TTYH3: variants seen among roughly 807,000 people sequenced by gnomAD.
TTYH3 encodes the protein tweety family member 3.
TTYH3 carries 23 observed loss-of-function variants against 68.2 expected under a neutral mutation model. The ratio of observed to expected loss-of-function variants is 0.34; its 90% confidence interval spans 0.24 to 0.48. The LOEUF is 0.48. Among genes scored for constraint, TTYH3 ranks in the 20% least tolerant of loss-of-function variants. The pLI, the probability that TTYH3 is intolerant of heterozygous loss-of-function variation, is 0.99. For missense variants in TTYH3, 768 were observed against 727.7 expected, an observed-to-expected ratio of 1.06 and a Z score of -0.64; for synonymous variants, 360 against 332.8, an observed-to-expected ratio of 1.08 and a Z score of -0.89.
At chr7:2,641,766 C>T (rs1484570895) in intron 1 of TTYH3, among the ~76,000 whole-genome samples, 6 of 152,364 alleles carry the variant, frequency 3.9e-5, no homozygotes, top group East Asian at 1.9e-4. Context: ...AATCTGGCTT[C>T]GGGAAGTGGG....
At chr7:2,649,447 C>T (rs1786098586) in intron 5 of TTYH3, 120 bp from the exon 6 acceptor site, 1 of 985,012 alleles carries the variant, frequency 1.0e-6, no homozygotes, top group African/African-American at 1.6e-5. Flanking sequence ...GGAAGAGCCC[C>T]AGCCCATGTG....
At chr7:2,640,650 T>TG (rs1294720434) in intron 1 of TTYH3, among the ~76,000 whole-genome samples, 1 of 152,106 alleles carries the variant, frequency 6.6e-6, no homozygotes, top group Non-Finnish European at 1.5e-5. Flanking sequence ...GGCATTGCGT[T>TG]GGGGGGTGCC....
rs936772231 is a variant in TTYH3, at chr7:2,661,476, C to A, written c.1501-192C>A. Among the ~76,000 whole-genome samples the A allele has an allele frequency of 2.0e-5, 3 of 152,150 alleles. No homozygotes were observed. In the South Asian group the frequency reaches 6.2e-4, roughly 31 times the overall value. ...GCCCCTCCCTCAGCCTCAGCCAGAC[C>A]TAGAGCGCAGGGGCCCCCAGCCAGC... On this transcript the variant is annotated intron_variant, in intron 13 of 13. Coordinates refer to ENST00000258796, the MANE Select transcript of TTYH3 (RefSeq NM_025250.3).
chr7:2,640,322 C>T (rs1268413857), intron 1 of TTYH3, among the ~76,000 whole-genome samples: 1 of 152,162 alleles, frequency 6.6e-6, no homozygotes, highest in Admixed American at 6.5e-5. Flanking sequence ...CACAGAGCGG[C>T]GTGTGGGTCC....
At chr7:2,650,559 C>T (rs1318512884) in intron 7 of TTYH3, among the ~76,000 whole-genome samples, 1 of 151,260 alleles carries the variant, frequency 6.6e-6, no homozygotes, top group Non-Finnish European at 1.5e-5. Flanking sequence ...GCCTGGGCAA[C>T]AAGAGTGAAA....
intron 1 of TTYH3, among the ~76,000 whole-genome samples, chr7:2,636,927 G>A (rs1191387174): frequency 5.3e-5 from 8 of 152,138 alleles, no homozygotes; most frequent in African/African-American, 1.9e-4. Flanking sequence ...AGACTCTGGG[G>A]TTCTCAAGCC....
At position 2,647,402 on chromosome 7, in the gene TTYH3, C is replaced by G; in HGVS notation, c.406-16C>G. On this transcript the variant is annotated splice_polypyrimidine_tract_variant and intron_variant, in intron 3 of 13. Coordinates refer to ENST00000258796, the MANE Select transcript of TTYH3 (RefSeq NM_025250.3). ...GCGGGCGCGCTCCCAGCCTCACGCC[C>G]GCGGGTCCGGCGCAGGTGTGGGACA... The G allele has an allele frequency of 1.4e-6, 2 of 1,475,164 alleles. No homozygotes were observed. Among genetic ancestry groups the G allele is most frequent in the Non-Finnish European group, 1.8e-6 (2 of 1,118,202 alleles). The allele number at this position is 1,475,164 out of a possible 1,614,324, so 91.4% of individuals were successfully genotyped here. A position where few individuals can be genotyped will look rare whatever the true frequency, so the allele number is the denominator to read the frequency against.
chr7:2,652,372 G>C, intron 8 of TTYH3, 130 bp downstream of exon 8: 1 of 809,892 alleles, frequency 1.2e-6, no homozygotes, highest in Non-Finnish European at 2.0e-6. Context: ...GAGGGAGCTG[G>C]ACAAAGGCTG....
Position 2,633,722 on chromosome 7 carries a change from C to G in TTYH3, c.123+1444C>G, listed in dbSNP as rs1021873851. The stretch of plus-strand genomic sequence containing the variant: ...TGCTTCACTTTGGAAAGTTCTCTGC[C>G]CTGAGGGTTTGGCCCATTTGTCAGT... On this transcript the variant is annotated intron_variant, in intron 1 of 13. Transcript: ENST00000258796. Among the ~76,000 whole-genome samples the G allele has an allele frequency of 7.9e-5, 12 of 152,340 alleles. 1 individual carries two copies. The highest frequency in any genetic ancestry group is 3.3e-4 in the Admixed American group (5 of 15,306).
At chr7:2,651,975 C>T (rs576878783) in intron 7 of TTYH3, among the ~76,000 whole-genome samples, 6 of 152,288 alleles carry the variant, frequency 3.9e-5, no homozygotes, top group East Asian at 3.9e-4. Flanking sequence ...CACCGGCACA[C>T]GTGCACACGA....
In TTYH3 at chr7:2,649,988, G is replaced by C. The variant is rs1222126713; in HGVS notation, c.871G>C (p.Asp291His). The C allele has an allele frequency of 6.2e-7, 1 of 1,613,974 alleles. No homozygotes were observed. Among genetic ancestry groups the C allele is most frequent in the Non-Finnish European group, 8.5e-7 (1 of 1,179,930 alleles). ...MVEEYSVLSGDILQYYLACSP... is the reference protein window; with the variant it reads ...MVEEYSVLSGHILQYYLACSP... ...GGAGGAGTACTCGGTGCTGAGTGGG[G>C]GTGAGTCTGTGTCCACGGCCGTGTC... Residue 291 changes from aspartate (D) to histidine (H), a missense_variant and splice_region_variant, in exon 7 of 14, where the codon GAC becomes CAC. Physicochemically the swap from Asp to His is moderately conservative, Grantham distance 81. Coordinates refer to ENST00000258796, the MANE Select transcript of TTYH3 (RefSeq NM_025250.3).
At chr7:2,637,264 C>T (rs890110484) in intron 1 of TTYH3, among the ~76,000 whole-genome samples, 1 of 152,166 alleles carries the variant, frequency 6.6e-6, no homozygotes, top group Non-Finnish European at 1.5e-5. Flanking sequence ...TGACCCCCGG[C>T]CGGGGGCTCT....
chr7:2,660,818 G>C (rs1441617532), intron 13 of TTYH3, among the ~76,000 whole-genome samples: 1 of 152,142 alleles, frequency 6.6e-6, no homozygotes, highest in Non-Finnish European at 1.5e-5. Context: ...CCTCACTGCC[G>C]CCGGCCCCTG....
At chr7:2,633,774 C>T (rs1785586986) in intron 1 of TTYH3, among the ~76,000 whole-genome samples, 1 of 152,208 alleles carries the variant, frequency 6.6e-6, no homozygotes, top group Non-Finnish European at 1.5e-5. Context: ...AGCCCTGGGG[C>T]GTGGGGGGCG....
chr7:2,648,344 C>T (rs1166934137), intron 5 of TTYH3: 5 of 372,336 alleles, frequency 1.3e-5, no homozygotes, highest in African/African-American at 2.1e-5. Flanking sequence ...CCCAGGTCTC[C>T]GAGTGCCTGG....
At chr7:2,642,168 G>T (rs1257590689) in intron 1 of TTYH3, among the ~76,000 whole-genome samples, 1 of 152,232 alleles carries the variant, frequency 6.6e-6, no homozygotes, top group Non-Finnish European at 1.5e-5. Flanking sequence ...GCCGAGGCAG[G>T]TGGATTGCTT....
chr7:2,640,792 C>T (rs951004398), intron 1 of TTYH3, among the ~76,000 whole-genome samples: 7 of 124,096 alleles, frequency 5.6e-5, no homozygotes, highest in Non-Finnish European at 1.0e-4. Context: ...TCAAGTGCCC[C>T]GTGGGCCGTC....
intron 2 of TTYH3, 25 bp from the exon 3 acceptor site, chr7:2,647,117 C>T: frequency 6.3e-7 from 1 of 1,575,576 alleles, no homozygotes; most frequent in Non-Finnish European, 8.6e-7. Flanking sequence ...GGCGGGGCTA[C>T]ATCTCACGGG....
At chr7:2,644,673 CT>C (rs532411192) in intron 1 of TTYH3, among the ~76,000 whole-genome samples, 424 of 152,314 alleles carry the variant, frequency 2.8e-3, no homozygotes, top group African/African-American at 9.7e-3. Context: ...GTGCCCGCCC[CT>C]GATGCTCTGC....
Sources: gnomAD v4.1 joint callset for allele counts (sites outside exome capture counted in the v4.1 genomes callset) on GRCh38, gnomAD v4.1.1 for gene constraint, MANE v1.5 for transcripts, NCBI Gene and HGNC (gene_info 2026-07-23, HGNC 2026-07-21) for gene names.